Variants in PEPD observed in about 807,000 individuals in gnomAD.
PEPD encodes the protein xaa-Pro dipeptidase.
PEPD carries 53 observed loss-of-function variants against 60.7 expected under a neutral mutation model. The observed-to-expected ratio is 0.87, with a 90% CI of 0.70 to 1.10. The LOEUF (loss-of-function observed/expected upper bound fraction) is 1.10, where lower values mean the gene tolerates loss of function less well. PEPD is among the 50% of genes least tolerant of loss of function. PEPD has a pLI of 0.00. For missense variants in PEPD, 711 were observed against 711.9 expected (o/e 1.00, Z 0.01); for synonymous variants, 267 against 284.1 (o/e 0.94, Z 0.60).
intron 4 of PEPD, among the ~76,000 whole-genome samples, chr19:33,498,367 A>G (rs555749831): frequency 1.5e-4 from 23 of 152,180 alleles, no homozygotes; most frequent in Non-Finnish European, 2.6e-4. Context: ...CTGTGCAACC[A>G]TTAACAACTT....
chr19:33,391,444 G>C lies in PEPD; in HGVS notation c.1003C>G (p.Arg335Gly). ...TGGGCCAGCTCCTCCAGGTGGATGCGGTCAGCCAGGCGGTGCATGTCAGGC... is the reference window on the plus strand; with the variant it reads ...TGGGCCAGCTCCTCCAGGTGGATGCCGTCAGCCAGGCGGTGCATGTCAGGC... ...WWPDMHRLADRIHLEELAHMG... is the reference protein window; with the variant it reads ...WWPDMHRLADGIHLEELAHMG... The change falls in exon 13 of 15, where the codon CGC becomes GGC. Residue 335 changes from arginine (R) to glycine (G), a missense_variant. By Grantham distance (125) the Arg-to-Gly change is moderately radical. Coordinates refer to ENST00000244137, the MANE Select transcript of PEPD (RefSeq NM_000285.4). 6.4e-7 allele frequency: 1 copy of C among 1,557,166 alleles called. No individual in the cohort carries two copies. The highest frequency in any genetic ancestry group is 8.7e-7 in the Non-Finnish European group (1 of 1,150,718).
chr19:33,438,503 T>G (rs962744059), intron 9 of PEPD, among the ~76,000 whole-genome samples: 1 of 152,244 alleles, frequency 6.6e-6, no homozygotes, highest in Non-Finnish European at 1.5e-5. Flanking sequence ...GGGCACTCTA[T>G]GCCCCCAGTC....
chr19:33,496,194 T>C (rs1399961044), intron 4 of PEPD, among the ~76,000 whole-genome samples: 1 of 152,148 alleles, frequency 6.6e-6, no homozygotes. Context: ...CAGGAGGCAC[T>C]TGGGGATTGT....
chr19:33,508,178 G>A (rs1970849005), intron 3 of PEPD, among the ~76,000 whole-genome samples: 1 of 152,176 alleles, frequency 6.6e-6, no homozygotes, highest in African/African-American at 2.4e-5. Flanking sequence ...TCTGAGCAGT[G>A]GGACATGTCA....
intron 9 of PEPD, among the ~76,000 whole-genome samples, chr19:33,447,194 C>A (rs1969609849): frequency 6.6e-6 from 1 of 152,194 alleles, no homozygotes; most frequent in African/African-American, 2.4e-5. Context: ...ATGAGGGGAC[C>A]CCAAGTGCTG....
chr19:33,420,720 A>AATAAATAC (rs1415328491), intron 9 of PEPD, among the ~76,000 whole-genome samples: 21 of 147,902 alleles, frequency 1.4e-4, no homozygotes, highest in African/African-American at 5.2e-4. Flanking sequence ...TAAATAAATA[A>AATAAATAC]ATAAATAAAA....
In PEPD at chr19:33,457,970, C is replaced by T. The variant is rs941140782; in HGVS notation, c.671+5025G>A. ...AACCCCGCCCCCAGCACCCTCGGCT[C>T]GGGTGGCTCTGTATGGGTTGGGGGG... is the stretch of plus-strand genomic sequence containing the variant. On this transcript the variant is annotated intron_variant, in intron 9 of 14. Coordinates refer to ENST00000244137, the MANE Select transcript of PEPD (RefSeq NM_000285.4). Among the ~76,000 whole-genome samples the T allele has an allele frequency of 5.3e-5, 8 of 152,188 alleles. No homozygotes were observed. The South Asian group carries it at 8.3e-4, about 16-fold the overall frequency.
intron 9 of PEPD, among the ~76,000 whole-genome samples, chr19:33,439,285 C>G (rs937961075): frequency 6.6e-6 from 1 of 152,222 alleles, no homozygotes. Context: ...GGCCTTCCTG[C>G]CCCCTGCCTC....
chr19:33,460,595 C>T (rs1009442431), intron 9 of PEPD, among the ~76,000 whole-genome samples: 7 of 152,194 alleles, frequency 4.6e-5, no homozygotes, highest in African/African-American at 1.7e-4. Flanking sequence ...CGTACCCACC[C>T]CCCTGCTCTA....
intron 7 of PEPD, among the ~76,000 whole-genome samples, chr19:33,471,460 G>A (rs555882908): frequency 4.6e-5 from 7 of 152,312 alleles, no homozygotes; most frequent in African/African-American, 1.7e-4. Flanking sequence ...AATATGATGA[G>A]CCCATTTCCA....
rs201766350 is a variant in PEPD, at chr19:33,442,541, A to ATT, written c.671+20453_671+20454insAA. 1.4e-3 allele frequency among the ~76,000 whole-genome samples: 178 copies of ATT among 129,332 alleles called. 1 individual carries two copies. Among genetic ancestry groups the ATT allele is most frequent in the African/African-American group, 4.4e-3 (161 of 36,220 alleles). The allele number at this position is 129,332 out of a possible 152,430, so 84.8% of individuals were successfully genotyped here. A position where few individuals can be genotyped will look rare whatever the true frequency, so the allele number is the denominator to read the frequency against. On this transcript the variant is annotated intron_variant, in intron 9 of 14. Coordinates refer to ENST00000244137, the MANE Select transcript of PEPD (RefSeq NM_000285.4). ...CAGTGAAAACCCATCTCTACTAAAA[A>ATT]TAAAATAAAAAAAAAAAATTAGCCG...
At chr19:33,447,757 G>A (rs547322814) in intron 9 of PEPD, among the ~76,000 whole-genome samples, 2 of 152,320 alleles carry the variant, frequency 1.3e-5, no homozygotes, top group East Asian at 3.9e-4. Context: ...GCTGAAGAAG[G>A]CAGCTGTGGC....
At chr19:33,517,491 G>A (rs1971044248) in intron 1 of PEPD, among the ~76,000 whole-genome samples, 2 of 151,652 alleles carry the variant, frequency 1.3e-5, no homozygotes, top group East Asian at 1.9e-4. Context: ...TCTGGGAGGC[G>A]GAGGTTGCAG....
chr19:33,521,617 C>T, intron 1 of PEPD, 127 bp downstream of exon 1: 1 of 1,061,380 alleles, frequency 9.4e-7, no homozygotes, highest in Non-Finnish European at 1.4e-6. Context: ...GACTCCGGGC[C>T]AACGGGAAGA....
intron 4 of PEPD, among the ~76,000 whole-genome samples, chr19:33,493,581 G>A (rs1005639028): frequency 6.6e-6 from 1 of 151,974 alleles, no homozygotes; most frequent in Non-Finnish European, 1.5e-5. Flanking sequence ...GCTTCCCACC[G>A]CACCGCCCTG....
intron 9 of PEPD, among the ~76,000 whole-genome samples, chr19:33,451,529 A>C (rs1179070083): frequency 6.6e-6 from 1 of 152,240 alleles, no homozygotes; most frequent in Admixed American, 6.5e-5. Flanking sequence ...AAAGCCACAA[A>C]GGAAAAAACA....
chr19:33,478,604 C>T (rs1277897323), intron 6 of PEPD, among the ~76,000 whole-genome samples: 2 of 151,938 alleles, frequency 1.3e-5, no homozygotes, highest in African/African-American at 4.8e-5. Flanking sequence ...AAGGGATCCT[C>T]AATTAGATTA....
At position 33,453,313 on chromosome 19, in the gene PEPD, T is replaced by TAAAAAAAAAAAA. The variant is rs767526615; in HGVS notation, c.671+9681_671+9682insTTTTTTTTTTTT. Among the ~76,000 whole-genome samples the TAAAAAAAAAAAA allele has an allele frequency of 8.9e-3, 1,322 of 149,118 alleles. 8 individuals carry two copies. Among genetic ancestry groups the TAAAAAAAAAAAA allele is most frequent in the Middle Eastern group, 0.017 (5 of 292 alleles). On this transcript the variant is annotated intron_variant, in intron 9 of 14. Transcript: ENST00000244137. ...TGGGCAGTAGAGCAAAACACTGTCA[T>TAAAAAAAAAAAA]AAAAAAATAAATAAATAAATAAATA...
At chr19:33,441,058 G>A (rs1409678448) in intron 9 of PEPD, among the ~76,000 whole-genome samples, 1 of 152,144 alleles carries the variant, frequency 6.6e-6, no homozygotes, top group African/African-American at 2.4e-5. Flanking sequence ...TGGTCAAATT[G>A]GAGTTGTCTG....
Sources: gnomAD v4.1 joint callset for allele counts (sites outside exome capture counted in the v4.1 genomes callset) on GRCh38, gnomAD v4.1.1 for gene constraint, MANE v1.5 for transcripts, NCBI Gene and HGNC (gene_info 2026-07-23, HGNC 2026-07-21) for gene names.